Variants in COL4A4 observed in about 807,000 individuals in gnomAD.
COL4A4 encodes collagen alpha-4(IV) chain.
In COL4A4, 105 loss-of-function variants were observed where a neutral mutation model predicts 192.9. That is an observed-to-expected ratio of 0.54 (90% CI 0.46 to 0.64). The LOEUF (loss-of-function observed/expected upper bound fraction) is 0.64. Among genes scored for constraint, COL4A4 ranks in the 30% least tolerant of loss-of-function variants. COL4A4 has a pLI of 0.00. For missense variants in COL4A4, 1,967 were observed against 2,169.3 expected (o/e 0.91, Z 1.85); for synonymous variants, 762 against 769.9 (o/e 0.99, Z 0.17).
intron 24 of COL4A4, among the ~76,000 whole-genome samples, chr2:227,078,298 A>T (rs1040309423): frequency 2.0e-5 from 3 of 152,168 alleles, no homozygotes; most frequent in Admixed American, 6.5e-5. Context: ...GCTGGTGTGC[A>T]GTGGTGCTAT....
chr2:227,096,831 TG>T (rs1218632234), intron 19 of COL4A4, among the ~76,000 whole-genome samples: 2 of 152,110 alleles, frequency 1.3e-5, no homozygotes, highest in African/African-American at 4.8e-5. Context: ...AATGCTAAGG[TG>T]GGATTTGATT....
chr2:227,143,773 T>C (rs965251669), intron 3 of COL4A4, among the ~76,000 whole-genome samples: 9 of 152,314 alleles, frequency 5.9e-5, no homozygotes, highest in South Asian at 2.1e-4. Flanking sequence ...AGTCTTATCA[T>C]CCCTACTCAA....
In COL4A4 at chr2:227,121,126, G is replaced by T. The variant is rs2061759035; in HGVS notation, c.215C>A (p.Pro72Gln). 7 of 1,614,090 alleles carry T rather than the reference G, an allele frequency of 4.3e-6. No individual in the cohort carries two copies. The highest frequency in any genetic ancestry group is 5.9e-6 in the Non-Finnish European group (7 of 1,179,986). Residue 72 changes from proline to glutamine, a missense_variant, in exon 5 of 48, where the codon CCA becomes CAA. By Grantham distance (76) the Pro-to-Gln change is moderately conservative (BLOSUM62 -1). Transcript: ENST00000396625. Reference sequence around the variant, plus strand: ...TCCCAGGGGTCCAATTGGACCCTGTGGCCCTGGTGGTCCTGGTGGACCCTG... The same window carrying T: ...TCCCAGGGGTCCAATTGGACCCTGTTGCCCTGGTGGTCCTGGTGGACCCTG... ...GSRGPPGPPGPQGPIGPLGAP... is the reference protein window; with the variant it reads ...GSRGPPGPPGQQGPIGPLGAP...
intron 34 of COL4A4, among the ~76,000 whole-genome samples, chr2:227,049,556 TAATA>T (rs1258901694): frequency 6.6e-6 from 1 of 151,922 alleles, no homozygotes; most frequent in Non-Finnish European, 1.5e-5. Context: ...ATAATAATAA[TAATA>T]AAAAACCCAA....
At chr2:227,065,940 A>T (rs1033674352) in intron 25 of COL4A4, among the ~76,000 whole-genome samples, 4 of 152,228 alleles carry the variant, frequency 2.6e-5, no homozygotes, top group African/African-American at 9.6e-5. Context: ...CTACGGGGGA[A>T]CATTCAAACC....
At chr2:227,157,558 A>C (rs1227772963) in intron 1 of COL4A4, among the ~76,000 whole-genome samples, 2 of 152,054 alleles carry the variant, frequency 1.3e-5, no homozygotes, top group African/African-American at 4.8e-5. Flanking sequence ...GAATATTAAA[A>C]ATGACAATAT....
rs1277545888 is a variant in COL4A4, at chr2:227,006,876, C to T, written c.*449G>A. On this transcript the variant is annotated 3_prime_UTR_variant, in exon 48 of 48. Coordinates refer to ENST00000396625, the MANE Select transcript of COL4A4 (RefSeq NM_000092.5). ...CATTTTGAAATGTTGAAAATCTCTG[C>T]TTTCTAGTTTCATTCATTGACCTGT... is the stretch of plus-strand genomic sequence containing the variant. 3 of 163,544 alleles carry T rather than the reference C, an allele frequency of 1.8e-5. No individual in the cohort carries two copies. The highest frequency in any genetic ancestry group is 7.2e-5 in the African/African-American group (3 of 41,532). 10.1% of individuals were successfully genotyped at this position (163,544 alleles called of 1,614,324 possible). A position where few individuals can be genotyped will look rare whatever the true frequency, so the allele number is the denominator to read the frequency against.
At chr2:227,109,109 G>C (rs559715291) in intron 10 of COL4A4, 115 bp downstream of exon 10, 1 of 1,030,438 alleles carries the variant, frequency 9.7e-7, no homozygotes, top group Admixed American at 1.7e-5. Context: ...CTGATTCATC[G>C]ATTATAATCT....
chr2:227,023,044 G>C (rs1237518734), intron 43 of COL4A4, among the ~76,000 whole-genome samples: 1 of 152,182 alleles, frequency 6.6e-6, no homozygotes, highest in Non-Finnish European at 1.5e-5. Context: ...TCGCTAGTTT[G>C]TTAGAAACCA....
chr2:227,030,961 G>C (rs1317248087), intron 40 of COL4A4, among the ~76,000 whole-genome samples: 1 of 151,472 alleles, frequency 6.6e-6, no homozygotes, highest in Non-Finnish European at 1.5e-5. Flanking sequence ...TGGATGGATG[G>C]ATGGATAGGT....
downstream of COL4A4, among the ~76,000 whole-genome samples, chr2:227,000,248 G>T (rs1247216560): frequency 6.6e-6 from 1 of 152,224 alleles, no homozygotes; most frequent in Non-Finnish European, 1.5e-5. Flanking sequence ...AGCTTCTACA[G>T]ATTCAGACTC....
intron 1 of COL4A4, among the ~76,000 whole-genome samples, chr2:227,160,459 C>T (rs1237204031): frequency 6.6e-6 from 1 of 152,102 alleles, no homozygotes; most frequent in African/African-American, 2.4e-5. Context: ...TACTTTAGCA[C>T]ATTCTCTTCC....
At chr2:226,977,800 A>G in the COL4A4 span, among the ~76,000 whole-genome samples, 7 of 152,210 alleles carry the variant, frequency 4.6e-5, no homozygotes, top group Non-Finnish European at 8.8e-5. Flanking sequence ...GAATTGGCCT[A>G]TTGTTCTAAG....
intron 44 of COL4A4, among the ~76,000 whole-genome samples, chr2:227,015,422 G>T (rs570443957): frequency 9.2e-4 from 138 of 149,330 alleles, no homozygotes; most frequent in African/African-American, 3.3e-3. Context: ...AATCAGGTCT[G>T]GGGGGGACCT....
At chr2:226,978,918 C>T in the COL4A4 span, among the ~76,000 whole-genome samples, 1 of 151,810 alleles carries the variant, frequency 6.6e-6, no homozygotes, top group Admixed American at 6.5e-5. Context: ...AAGACAGGAG[C>T]GAGTGTGGGG....
At position 227,012,250 on chromosome 2, in the gene COL4A4, C is replaced by T. The variant is rs368105222; in HGVS notation, c.4264G>A (p.Val1422Ile). 93 of 1,614,106 alleles carry T rather than the reference C, an allele frequency of 5.8e-5. No homozygotes were observed. In the South Asian group the frequency reaches 8.6e-4, roughly 15 times the overall value. The change falls in exon 45 of 48, where the codon GTC becomes ATC. Residue 1422 changes from valine (V) to isoleucine (I), a missense_variant. Transcript: ENST00000396625. ...GLDGRRGVDG[V>I]PGSPGPPGRK... ...CCGGGAGGCCCAGGAGACCCAGGGA[C>T]GCCATCCACACCCCTCCTGCCATCC...
At chr2:227,108,390 A>G (rs1028936579) in intron 12 of COL4A4, among the ~76,000 whole-genome samples, 191 bp downstream of exon 12, 4 of 152,206 alleles carry the variant, frequency 2.6e-5, no homozygotes, top group South Asian at 4.1e-4. Flanking sequence ...GTAGTGTTAA[A>G]TTGTGTCAGA....
At chr2:227,010,267 A>C in intron 46 of COL4A4, 46 bp downstream of exon 46, 1 of 1,607,192 alleles carries the variant, frequency 6.2e-7, no homozygotes, top group Non-Finnish European at 8.5e-7. Flanking sequence ...ATTAACCCCA[A>C]ATTTTACTCT....
At chr2:226,979,860 C>G in the COL4A4 span, among the ~76,000 whole-genome samples, 2 of 152,218 alleles carry the variant, frequency 1.3e-5, no homozygotes, top group Non-Finnish European at 2.9e-5. Flanking sequence ...AGGCACTGGT[C>G]TAGGCCCATG....
Sources: allele counts gnomAD v4.1 joint callset (sites outside exome capture counted in the v4.1 genomes callset), GRCh38; gene constraint gnomAD v4.1.1; transcripts MANE v1.5; gene names NCBI Gene and HGNC (gene_info 2026-07-23, HGNC 2026-07-21).